Variants in FANCB observed in about 807,000 individuals in gnomAD.
FANCB encodes the protein FA complementation group B.
Under a neutral mutation model 38.9 loss-of-function variants are expected in FANCB, and 5 were observed. The ratio of observed to expected loss-of-function variants is 0.13; its 90% CI spans 0.07 to 0.27. The LOEUF (loss-of-function observed/expected upper bound fraction) is 0.27, where lower values mean the gene tolerates loss of function less well. FANCB is among the 10% of genes least tolerant of loss of function. The pLI, the probability that FANCB is intolerant of heterozygous loss-of-function variation, is 1.00. For missense variants in FANCB, 573 were observed against 602.7 expected, an observed-to-expected ratio of 0.95 and a Z score of 0.52; for synonymous variants, 236 against 215.4, an observed-to-expected ratio of 1.10 and a Z score of -0.84.
chrX:14,719,376 T>C, the FANCB span, among the ~76,000 whole-genome samples: 1 of 111,212 alleles, frequency 9.0e-6, no homozygotes, highest in Admixed American at 9.6e-5. Flanking sequence ...AATAATCCAA[T>C]TTAAAAATGG....
the FANCB span, among the ~76,000 whole-genome samples, chrX:14,697,999 A>G: frequency 8.9e-6 from 1 of 111,791 alleles, no homozygotes; most frequent in Non-Finnish European, 1.9e-5. Flanking sequence ...TTTGGATTAA[A>G]TTGAGTAAAT....
chrX:14,714,577 C>T, the FANCB span, among the ~76,000 whole-genome samples: 1 of 111,846 alleles, frequency 8.9e-6, no homozygotes, highest in African/African-American at 3.3e-5. Context: ...AAGATTTCTG[C>T]TCATACCACA....
intron 1 of FANCB, chrX:14,869,393 G>C (rs2092484987): frequency 8.9e-6 from 1 of 111,820 alleles, no homozygotes; most frequent in Non-Finnish European, 1.9e-5. Flanking sequence ...CAGAATTTAT[G>C]AAAGTTAGGC....
At chrX:14,737,164 A>G in the FANCB span, among the ~76,000 whole-genome samples, 12 of 111,488 alleles carry the variant, frequency 1.1e-4, no homozygotes, top group East Asian at 2.0e-3. Context: ...AACAACAAAA[A>G]AAAGCCAAGA....
chrX:14,790,342 AGT>A, the FANCB span, among the ~76,000 whole-genome samples: 2 of 111,992 alleles, frequency 1.8e-5, no homozygotes, highest in Non-Finnish European at 3.8e-5. Context: ...ACAGGAATTA[AGT>A]GTGTGGTGGG....
At chrX:14,820,238 TTC>T in the FANCB span, among the ~76,000 whole-genome samples, 3 of 111,056 alleles carry the variant, frequency 2.7e-5, no homozygotes, top group African/African-American at 9.8e-5. Flanking sequence ...CTCCTTCCCC[TTC>T]TCTCTCCAAC....
chrX:14,865,020 G>A lies in FANCB; in HGVS notation c.491C>T (p.Ser164Leu). Reference protein sequence around the residue: ...SSQTGKVVSVSGNFSSIQWAG... With the variant: ...SSQTGKVVSVLGNFSSIQWAG... ...CCACTGAATAGAGGAAAAGTTACCT[G>A]ACACACTAACAACTTTGCCAGTTTG... is the stretch of plus-strand genomic sequence containing the variant. Residue 164 changes from serine (S) to leucine (L), a missense_variant, in exon 3 of 10, where the codon TCA (serine) becomes TTA (leucine). By Grantham distance (145) the Ser-to-Leu change is moderately radical. Coordinates refer to ENST00000650831, the MANE Select transcript of FANCB (RefSeq NM_001018113.3). 8.3e-7 allele frequency: 1 copy of A among 1,210,248 alleles called. No individual in the cohort carries two copies. Among genetic ancestry groups the A allele is most frequent in the South Asian group, 1.8e-5 (1 of 56,851 alleles).
At chrX:14,854,635 G>A (rs1245212515) in intron 5 of FANCB, among the ~76,000 whole-genome samples, 2 of 111,596 alleles carry the variant, frequency 1.8e-5, no homozygotes, top group South Asian at 3.7e-4. Context: ...GGAGCATATC[G>A]TACTGCACGA....
the FANCB span, among the ~76,000 whole-genome samples, chrX:14,812,932 C>A: frequency 9.8e-6 from 1 of 102,230 alleles, no homozygotes. Context: ...TACTGGCAAA[C>A]CGAATCCAGC....
chrX:14,797,087 C>A, the FANCB span, among the ~76,000 whole-genome samples: 1 of 111,941 alleles, frequency 8.9e-6, no homozygotes, highest in Admixed American at 9.5e-5. Flanking sequence ...ATGTTAATCT[C>A]ATCTGAAAAT....
At chrX:14,757,664 A>G in the FANCB span, among the ~76,000 whole-genome samples, 1 of 111,987 alleles carries the variant, frequency 8.9e-6, no homozygotes, top group Non-Finnish European at 1.9e-5. Flanking sequence ...TAGAAGAAGC[A>G]GCAAAAAGAG....
At chrX:14,779,121 C>T in the FANCB span, among the ~76,000 whole-genome samples, 1 of 112,123 alleles carries the variant, frequency 8.9e-6, no homozygotes, top group East Asian at 2.8e-4. Flanking sequence ...TCCAGAGTTC[C>T]TCTGCATGAT....
At chrX:14,709,578 T>C in the FANCB span, among the ~76,000 whole-genome samples, 2 of 112,336 alleles carry the variant, frequency 1.8e-5, no homozygotes, top group Non-Finnish European at 3.8e-5. Flanking sequence ...GAGTTGCGTA[T>C]AAGAAGCTAT....
chrX:14,826,728 T>C, the FANCB span, among the ~76,000 whole-genome samples: 1 of 112,200 alleles, frequency 8.9e-6, no homozygotes, highest in Admixed American at 9.5e-5. Context: ...GTTTTTCCAG[T>C]GTGTATCTTG....
chrX:14,707,963 GTTTC>G, the FANCB span, among the ~76,000 whole-genome samples: 1 of 110,794 alleles, frequency 9.0e-6, no homozygotes, highest in Non-Finnish European at 1.9e-5. Context: ...ATTGTTACCA[GTTTC>G]TTTTTTTTCC....
At chrX:14,800,603 T>C in the FANCB span, among the ~76,000 whole-genome samples, 1 of 111,918 alleles carries the variant, frequency 8.9e-6, no homozygotes, top group Non-Finnish European at 1.9e-5. Flanking sequence ...AGGAAACTAA[T>C]ACAGGAGGTA....
chrX:14,712,504 T>C, the FANCB span, among the ~76,000 whole-genome samples: 3 of 109,433 alleles, frequency 2.7e-5, no homozygotes, highest in African/African-American at 6.7e-5. Flanking sequence ...TCACTCTTAA[T>C]TGAAAAAAAA....
At chrX:14,692,046 A>G in the FANCB span, among the ~76,000 whole-genome samples, 1 of 111,918 alleles carries the variant, frequency 8.9e-6, no homozygotes, top group Non-Finnish European at 1.9e-5. Context: ...CATTGCTTAT[A>G]TTGAGGAGTT....
chrX:14,857,744 A>G, intron 5 of FANCB, 118 bp downstream of exon 5: 1 of 555,787 alleles, frequency 1.8e-6, no homozygotes, highest in South Asian at 2.5e-5. Context: ...GATCCTTTGA[A>G]ATACCATTTT....
Sources: allele counts gnomAD v4.1 joint callset (sites outside exome capture counted in the v4.1 genomes callset), GRCh38; gene constraint gnomAD v4.1.1; transcripts MANE v1.5; gene names NCBI Gene and HGNC (gene_info 2026-07-23, HGNC 2026-07-21).